LIPT2: variants seen among roughly 807,000 people sequenced by gnomAD.
LIPT2 encodes the protein lipoyl(octanoyl) transferase 2.
A neutral mutation model predicts 16.2 loss-of-function variants in LIPT2; 16 were observed. The ratio of observed to expected loss-of-function variants is 0.99; its 90% CI spans 0.67 to 1.50. The LOEUF (loss-of-function observed/expected upper bound fraction) is 1.50. Ranked by LOEUF, LIPT2 falls within the 40% of genes most tolerant of loss-of-function variation. The pLI is 0.00. For synonymous variants in LIPT2, 199 were observed against 169.3 expected, an observed-to-expected ratio of 1.18 and a Z score of -1.36; for missense variants, 424 against 347.7, an observed-to-expected ratio of 1.22 and a Z score of -1.75.
rs576845542 is a variant in LIPT2, at chr11:74,492,212, C to T, written c.619G>A (p.Glu207Lys). ...GCCACAAGGAAAGGTGGCATTACTT[C>T]TTCCACGGTGACGTGCCTCTGGAGC... ...KELQRHVTVE[E>K]VMPPFLVAFK... is the part of the protein sequence containing the mutation. The change falls in exon 2 of 2, where the codon GAA becomes AAA. Residue 207 changes from glutamate (E) to lysine (K), a missense_variant. Physicochemically the swap from Glu to Lys is moderately conservative, Grantham distance 56. Transcript: ENST00000310109. 43 of 1,551,728 alleles carry T rather than the reference C, an allele frequency of 2.8e-5. No individual in the cohort carries two copies. The highest frequency in any genetic ancestry group is 2.4e-4 in the Admixed American group (12 of 51,000).
chr11:74,493,154 T>C, intron 1 of LIPT2, 84 bp downstream of exon 1: 3 of 1,037,328 alleles, frequency 2.9e-6, no homozygotes, highest in Admixed American at 8.3e-5. Flanking sequence ...CTCACCTCCG[T>C]TGGTCCAGCC....
chr11:74,491,765 T>G lies in LIPT2; in HGVS notation c.*370A>C, dbSNP rs948706898. On this transcript the variant is annotated 3_prime_UTR_variant, in exon 2 of 2. Coordinates refer to ENST00000310109, the MANE Select transcript of LIPT2 (RefSeq NM_001144869.3). ...AAATCAAAGGAACTAGAGCCCAGAA[T>G]TGCTCAGTTAGACACAGTATTGAGG... 9.8e-6 allele frequency: 2 copies of G among 203,916 alleles called. No individual in the cohort carries two copies. Among genetic ancestry groups the G allele is most frequent in the African/African-American group, 4.6e-5 (2 of 43,496 alleles). The allele number at this position is 203,916 out of a possible 1,614,324, so 12.6% of individuals were successfully genotyped here.
In LIPT2 at chr11:74,493,291, C is replaced by T; in HGVS notation, c.413G>A (p.Arg138Gln). The T allele has an allele frequency of 1.4e-6, 2 of 1,418,036 alleles. No individual in the cohort carries two copies. The highest frequency in any genetic ancestry group is 1.8e-6 in the Non-Finnish European group (2 of 1,088,234). 87.8% of individuals were successfully genotyped at this position (1,418,036 alleles called of 1,614,324 possible). The change falls in exon 1 of 2, where the codon CGG (arginine) becomes CAG (glutamine). Residue 138 changes from arginine to glutamine, a missense_variant. Transcript: ENST00000310109. The stretch of plus-strand genomic sequence containing the variant: ...CCAGACGCCAGTGTAGGGCGGGGGC[C>T]GCGCGCGGGCGTCCTGCAGGCCCTG... ...ELQGLQDARA[R>Q]PPPYTGVWLD...
chr11:74,492,450 A>G, intron 1 of LIPT2, 86 bp from the exon 2 acceptor site: 1 of 838,492 alleles, frequency 1.2e-6, no homozygotes, highest in Non-Finnish European at 1.9e-6. Context: ...AGAAAACTGG[A>G]TTAGATCACC....
In LIPT2 at chr11:74,492,009, T is replaced by A; in HGVS notation, c.*126A>T. 4.5e-6 allele frequency: 3 copies of A among 665,556 alleles called. No homozygotes were observed. The highest frequency in any genetic ancestry group is 2.4e-5 in the Admixed American group (1 of 40,832). 41.2% of individuals were successfully genotyped at this position (665,556 alleles called of 1,614,324 possible). ...TATGAAAATAGTGGCTCAGAGCTCA[T>A]GGTATGTCCTTAGTTTCATGATCAG... On this transcript the variant is annotated 3_prime_UTR_variant, in exon 2 of 2. Coordinates refer to ENST00000310109, the MANE Select transcript of LIPT2 (RefSeq NM_001144869.3).
rs907509164 is a variant in LIPT2, at chr11:74,490,853, T to G, written c.*1282A>C. Among the ~76,000 whole-genome samples the G allele has an allele frequency of 2.0e-5, 3 of 152,190 alleles. No individual in the cohort carries two copies. The highest frequency in any genetic ancestry group is 4.4e-5 in the Non-Finnish European group (3 of 68,026). On this transcript the variant is annotated 3_prime_UTR_variant, in exon 2 of 2. Transcript: ENST00000310109. ...GAGAAACTGAAGACCAGAGAGTAAA[T>G]GACTTTTCCACAGAGCCAGAACTGG...
Position 74,491,272 on chromosome 11 carries a change from A to G in LIPT2, c.*863T>C, listed in dbSNP as rs186722709. On this transcript the variant is annotated 3_prime_UTR_variant, in exon 2 of 2. Transcript: ENST00000310109. ...TCCTCCAGCCCAGCCAAGCCTTTGA[A>G]TAAGTGCAGTTCCAGCTGACATCTT... is the stretch of plus-strand genomic sequence containing the variant. Among the ~76,000 whole-genome samples, 2 of 152,314 alleles carry G rather than the reference A, an allele frequency of 1.3e-5. No individual in the cohort carries two copies. Among genetic ancestry groups the G allele is most frequent in the Non-Finnish European group, 1.5e-5 (1 of 68,034 alleles).
chr11:74,492,749 C>T (rs112477093), intron 1 of LIPT2, among the ~76,000 whole-genome samples: 9,280 of 151,720 alleles, frequency 0.061, 327 homozygotes, highest in Non-Finnish European at 0.078. Flanking sequence ...ACTAAAAATA[C>T]AAAAAATTAG....
chr11:74,492,875 G>C (rs1372000057), intron 1 of LIPT2, among the ~76,000 whole-genome samples: 1 of 145,294 alleles, frequency 6.9e-6, no homozygotes, highest in East Asian at 2.0e-4. Context: ...CTGCACTCCA[G>C]CCTGGGTGAC....
At chr11:74,493,177 G>T in intron 1 of LIPT2, 61 bp downstream of exon 1, 1 of 1,227,244 alleles carries the variant, frequency 8.1e-7, no homozygotes, top group Non-Finnish European at 1.0e-6. Context: ...GTCAGACCCC[G>T]CCCCCAGGCC....
In LIPT2 at chr11:74,493,394, C is replaced by A. The variant is rs1218246470; in HGVS notation, c.310G>T (p.Asp104Tyr). Reference sequence around the variant, plus strand: ...AAGCGCAGGCCGAGACGCCGCAGGTCGAGTACCGGGTGGCAAAGCAGCTGG... The same window carrying A: ...AAGCGCAGGCCGAGACGCCGCAGGTAGAGTACCGGGTGGCAAAGCAGCTGG... ...PGQLLCHPVLDLRRLGLRLRM... is the reference protein window; with the variant it reads ...PGQLLCHPVLYLRRLGLRLRM... The change falls in exon 1 of 2, where the codon GAC becomes TAC. Residue 104 changes from aspartate (D) to tyrosine (Y), a missense_variant. Transcript: ENST00000310109. 1.3e-6 allele frequency: 2 copies of A among 1,515,816 alleles called. No homozygotes were observed. The highest frequency in any genetic ancestry group is 1.8e-6 in the Non-Finnish European group (2 of 1,139,072). 93.9% of individuals were successfully genotyped at this position (1,515,816 alleles called of 1,614,324 possible). A position where few individuals can be genotyped will look rare whatever the true frequency, so the allele number is the denominator to read the frequency against.
In LIPT2 at chr11:74,493,653, G is replaced by C. The variant is rs1197917336; in HGVS notation, c.51C>G (p.Ala17=). 3.4e-6 allele frequency: 5 copies of C among 1,451,246 alleles called. No homozygotes were observed. The highest frequency in any genetic ancestry group is 2.7e-6 in the Non-Finnish European group (3 of 1,108,262). The allele number at this position is 1,451,246 out of a possible 1,614,324, so 89.9% of individuals were successfully genotyped here. Residue 17 remains alanine, a synonymous_variant, in exon 1 of 2, where the codon GCC becomes GCG. Coordinates refer to ENST00000310109, the MANE Select transcript of LIPT2 (RefSeq NM_001144869.3). ...AGCGGTCCTGCAGCCCCAGTAGCTC[G>C]GCGTACGGCACCCGACCCAGGCGCA... ...RLVRLGRVPY[A]ELLGLQDRWL...
chr11:74,493,198 A>C, intron 1 of LIPT2, 40 bp downstream of exon 1: 1 of 1,303,924 alleles, frequency 7.7e-7, no homozygotes, highest in Non-Finnish European at 9.8e-7. Context: ...TCAAGCTCCG[A>C]CCTCGGCTCT....
At position 74,490,687 on chromosome 11, in the gene LIPT2, C is replaced by T. The variant is rs1367207606; in HGVS notation, c.*1448G>A. Among the ~76,000 whole-genome samples, 1 of 151,986 alleles carries T rather than the reference C, an allele frequency of 6.6e-6. No homozygotes were observed. Among genetic ancestry groups the T allele is most frequent in the Non-Finnish European group, 1.5e-5 (1 of 68,004 alleles). ...ACCAGCTTGGGCAACATAGCAAAGCCTCATTTCTTAAAAAAAATAAAAATA... is the reference window on the plus strand; with the variant it reads ...ACCAGCTTGGGCAACATAGCAAAGCTTCATTTCTTAAAAAAAATAAAAATA... On this transcript the variant is annotated 3_prime_UTR_variant, in exon 2 of 2. Transcript: ENST00000310109.
rs1864358141 is a variant in LIPT2, at chr11:74,492,283, A to T, written c.548T>A (p.Val183Glu). The T allele has an allele frequency of 6.4e-7, 1 of 1,551,736 alleles. No homozygotes were observed. Among genetic ancestry groups the T allele is most frequent in the Admixed American group, 2.0e-5 (1 of 50,988 alleles). ...GCCTGTCCCAACCAGTCCACAGGGCACGATGTGCTCAAACCACGTGAGGTC... is the reference window on the plus strand; with the variant it reads ...GCCTGTCCCAACCAGTCCACAGGGCTCGATGTGCTCAAACCACGTGAGGTC... ...STDLTWFEHIVPCGLVGTGVT... is the reference protein window; with the variant it reads ...STDLTWFEHIEPCGLVGTGVT... Residue 183 changes from valine (V) to glutamate (E), a missense_variant, in exon 2 of 2, where the codon GTG becomes GAG. By Grantham distance (121) the Val-to-Glu change is moderately radical. Coordinates refer to ENST00000310109, the MANE Select transcript of LIPT2 (RefSeq NM_001144869.3).
intron 1 of LIPT2, 188 bp downstream of exon 1, chr11:74,493,050 T>C: frequency 2.4e-6 from 1 of 411,434 alleles, no homozygotes; most frequent in Non-Finnish European, 4.3e-6. Context: ...GCCTTCTGCT[T>C]CTGAATATAC....
rs1343026983 is a variant in LIPT2, at chr11:74,493,697, G to T, written c.7C>A (p.Gln3Lys). The T allele has an allele frequency of 5.8e-6, 8 of 1,377,414 alleles. 1 individual carries two copies. In the South Asian group the frequency reaches 1.2e-4, roughly 20 times the overall value. 85.3% of individuals were successfully genotyped at this position (1,377,414 alleles called of 1,614,324 possible). The change falls in exon 1 of 2, where the codon CAA becomes AAA. Residue 3 changes from glutamine (Q) to lysine (K), a missense_variant. Coordinates refer to ENST00000310109, the MANE Select transcript of LIPT2 (RefSeq NM_001144869.3). MR[Q>K]PAVRLVRLGR... ...AGGCGCACCAACCGAACGGCGGGTTGCCGCATCGTGCCCACCGTTGCGTCC... is the reference window on the plus strand; with the variant it reads ...AGGCGCACCAACCGAACGGCGGGTTTCCGCATCGTGCCCACCGTTGCGTCC...
Position 74,492,003 on chromosome 11 carries a change from A to C in LIPT2, c.*132T>G. ...GATACATATGAAAATAGTGGCTCAG[A>C]GCTCATGGTATGTCCTTAGTTTCAT... On this transcript the variant is annotated 3_prime_UTR_variant, in exon 2 of 2. Coordinates refer to ENST00000310109, the MANE Select transcript of LIPT2 (RefSeq NM_001144869.3). The C allele has an allele frequency of 1.5e-6, 1 of 646,644 alleles. No individual in the cohort carries two copies. Among genetic ancestry groups the C allele is most frequent in the Non-Finnish European group, 2.8e-6 (1 of 361,426 alleles). 40.1% of individuals were successfully genotyped at this position (646,644 alleles called of 1,614,324 possible).
At position 74,493,410 on chromosome 11, in the gene LIPT2, A is replaced by G. The variant is rs780560927; in HGVS notation, c.294T>C (p.Leu98=). ...GCCGCAGGTCGAGTACCGGGTGGCA[A>G]AGCAGCTGGCCCGGGCCGTGGAAGG... The part of the protein sequence containing the change: ...LATFHGPGQL[L]CHPVLDLRRL... Residue 98 remains leucine (L), a synonymous_variant, in exon 1 of 2, where the codon CTT becomes CTC. Transcript: ENST00000310109. 4.2e-5 allele frequency: 64 copies of G among 1,516,088 alleles called. No homozygotes were observed. Among genetic ancestry groups the G allele is most frequent in the Non-Finnish European group, 5.4e-5 (62 of 1,139,210 alleles). 93.9% of individuals were successfully genotyped at this position (1,516,088 alleles called of 1,614,324 possible). A position where few individuals can be genotyped will look rare whatever the true frequency, so the allele number is the denominator to read the frequency against.
Sources: allele counts gnomAD v4.1 joint callset (sites outside exome capture counted in the v4.1 genomes callset), GRCh38; gene constraint gnomAD v4.1.1; transcripts MANE v1.5; gene names NCBI Gene and HGNC (gene_info 2026-07-23, HGNC 2026-07-21).